Variants in ARHGEF26 observed in about 807,000 individuals in gnomAD.
ARHGEF26 encodes the protein Rho guanine nucleotide exchange factor (GEF) 26.
Under a neutral mutation model 89.4 loss-of-function variants are expected in ARHGEF26, and 59 were observed. The observed-to-expected ratio is 0.66, with a 90% CI of 0.54 to 0.82. The LOEUF is 0.82. Ranked by LOEUF, ARHGEF26 falls within the 40% of genes least tolerant of loss-of-function variation. The probability of loss-of-function intolerance (pLI) is 0.00; values close to 1 mark genes in which losing one functional copy is unlikely to be tolerated. For missense variants in ARHGEF26, 1,234 were observed against 1,085.6 expected, an observed-to-expected ratio of 1.14 and a Z score of -1.92; for synonymous variants, 500 against 428.4, an observed-to-expected ratio of 1.17 and a Z score of -2.06.
chr3:154,250,603 T>A (rs577445974), intron 12 of ARHGEF26, among the ~76,000 whole-genome samples: 2 of 152,222 alleles, frequency 1.3e-5, no homozygotes, highest in Non-Finnish European at 2.9e-5. Context: ...TACTGGCCAC[T>A]CAGTGCCAGA....
At chr3:154,141,791 T>G (rs530354656) in intron 4 of ARHGEF26, among the ~76,000 whole-genome samples, 36 of 152,332 alleles carry the variant, frequency 2.4e-4, no homozygotes, top group Non-Finnish European at 5.0e-4. Context: ...CTATAGTATT[T>G]TTAATTTTTT....
chr3:154,251,085 A>G lies in ARHGEF26; in HGVS notation c.2301-2031A>G, dbSNP rs567518644. 2.3e-3 allele frequency among the ~76,000 whole-genome samples: 344 copies of G among 152,278 alleles called. 2 individuals carry two copies. Among genetic ancestry groups the G allele is most frequent in the African/African-American group, 8.1e-3 (337 of 41,548 alleles). ...AGGCCCAGCCTCATCTTAATCTTTG[A>G]AAATGCCTGTCTTTCAAGATACCAC... On this transcript the variant is annotated intron_variant, in intron 12 of 14. Coordinates refer to ENST00000465093, the MANE Select transcript of ARHGEF26 (RefSeq NM_015595.4).
At chr3:154,243,042 G>A (rs979834110) in intron 12 of ARHGEF26, among the ~76,000 whole-genome samples, 1 of 152,128 alleles carries the variant, frequency 6.6e-6, no homozygotes, top group Non-Finnish European at 1.5e-5. Context: ...CAGGGTCAAG[G>A]GGAGGCATTA....
intron 4 of ARHGEF26, among the ~76,000 whole-genome samples, chr3:154,146,760 G>A (rs1299687511): frequency 6.6e-6 from 1 of 152,082 alleles, no homozygotes; most frequent in Admixed American, 6.5e-5. Flanking sequence ...CTGTAGTATT[G>A]TTCATTTTCT....
intron 6 of ARHGEF26, among the ~76,000 whole-genome samples, chr3:154,161,782 T>C (rs1711677321): frequency 6.6e-6 from 1 of 152,210 alleles, no homozygotes; most frequent in Non-Finnish European, 1.5e-5. Flanking sequence ...AATTGTGACC[T>C]AGATTAGGAC....
intron 11 of ARHGEF26, among the ~76,000 whole-genome samples, chr3:154,237,185 C>T (rs1717170706): frequency 6.6e-6 from 1 of 152,096 alleles, no homozygotes; most frequent in East Asian, 1.9e-4. Flanking sequence ...AATTAATAAA[C>T]ATTTTAAAAA....
chr3:154,187,439 T>C (rs1713648627), intron 6 of ARHGEF26, among the ~76,000 whole-genome samples: 3 of 151,362 alleles, frequency 2.0e-5, no homozygotes, highest in Non-Finnish European at 2.9e-5. Context: ...CAAGTGATCT[T>C]CCTGCCTCAG....
At chr3:154,215,728 G>C (rs1379215396) in intron 9 of ARHGEF26, among the ~76,000 whole-genome samples, 1 of 152,112 alleles carries the variant, frequency 6.6e-6, no homozygotes, top group African/African-American at 2.4e-5. Flanking sequence ...TGGAGAGAGA[G>C]CAGAGAGAAG....
intron 6 of ARHGEF26, among the ~76,000 whole-genome samples, chr3:154,169,290 T>C (rs116460968): frequency 3.5e-4 from 54 of 152,266 alleles, no homozygotes; most frequent in African/African-American, 1.2e-3. Context: ...TTTGCAAATT[T>C]ACCTATTTGC....
chr3:154,219,092 A>G (rs1403884377), intron 10 of ARHGEF26, among the ~76,000 whole-genome samples: 1 of 152,230 alleles, frequency 6.6e-6, no homozygotes, highest in African/African-American at 2.4e-5. Context: ...ATGTTCTTGT[A>G]CAGAATTTTA....
intron 12 of ARHGEF26, among the ~76,000 whole-genome samples, chr3:154,249,073 A>AC (rs1717961653): frequency 6.6e-6 from 1 of 152,242 alleles, no homozygotes; most frequent in African/African-American, 2.4e-5. Flanking sequence ...ACAAAAGGTA[A>AC]CTGGTCAAAT....
At chr3:154,179,331 A>G (rs1245925886) in intron 6 of ARHGEF26, among the ~76,000 whole-genome samples, 1 of 151,874 alleles carries the variant, frequency 6.6e-6, no homozygotes, top group Non-Finnish European at 1.5e-5. Context: ...TGTTCAAACT[A>G]CTCTCTCACC....
chr3:154,188,535 T>A (rs1004816181), intron 7 of ARHGEF26, among the ~76,000 whole-genome samples: 4 of 152,176 alleles, frequency 2.6e-5, no homozygotes, highest in Non-Finnish European at 5.9e-5. Context: ...TATATGTATT[T>A]TAAAGAGTCC....
At chr3:154,164,282 G>A (rs930211788) in intron 6 of ARHGEF26, among the ~76,000 whole-genome samples, 1 of 152,026 alleles carries the variant, frequency 6.6e-6, no homozygotes, top group Non-Finnish European at 1.5e-5. Flanking sequence ...ATGCTAAGAA[G>A]AAGGTGAAGA....
At chr3:154,129,900 CT>C (rs1213092344) in intron 4 of ARHGEF26, among the ~76,000 whole-genome samples, 181 bp downstream of exon 4, 3 of 152,194 alleles carry the variant, frequency 2.0e-5, no homozygotes, top group African/African-American at 7.2e-5. Context: ...AACTTTGACA[CT>C]TCTGATCAGG....
At position 154,225,973 on chromosome 3, in the gene ARHGEF26, C is replaced by T. The variant is rs1716460792; in HGVS notation, c.2053C>T (p.Leu685Phe). 1 of 1,612,810 alleles carries T rather than the reference C, an allele frequency of 6.2e-7. No individual in the cohort carries two copies. Among genetic ancestry groups the T allele is most frequent in the African/African-American group, 1.3e-5 (1 of 74,834 alleles). ...ATCCAAACAGCAAGTCTACTTCTTTCTCTTTAACGATGTGCTCATTATCAC... is the reference window on the plus strand; with the variant it reads ...ATCCAAACAGCAAGTCTACTTCTTTTTCTTTAACGATGTGCTCATTATCAC... ...RTSKQQVYFFLFNDVLIITKK... is the reference protein window; with the variant it reads ...RTSKQQVYFFFFNDVLIITKK... The change falls in exon 11 of 15, where the codon CTC becomes TTC. Residue 685 changes from leucine (L) to phenylalanine (F), a missense_variant. Physicochemically the swap from Leu to Phe is conservative, Grantham distance 22. Transcript: ENST00000465093.
chr3:154,218,706 T>G (rs1192664911), intron 10 of ARHGEF26, among the ~76,000 whole-genome samples: 1 of 152,258 alleles, frequency 6.6e-6, no homozygotes, highest in African/African-American at 2.4e-5. Context: ...TGATCAGCAT[T>G]TCATGGTATT....
chr3:154,228,740 CG>C (rs201955859), intron 11 of ARHGEF26, among the ~76,000 whole-genome samples: 6 of 24,628 alleles, frequency 2.4e-4, no homozygotes, highest in Admixed American at 1.7e-3. Context: ...TTCAAGGAGG[CG>C]AACTGCAAAT....
intron 3 of ARHGEF26, among the ~76,000 whole-genome samples, chr3:154,128,075 T>C (rs1718446924): frequency 6.6e-6 from 1 of 152,192 alleles, no homozygotes; most frequent in African/African-American, 2.4e-5. Context: ...ACTGACAGTC[T>C]GTTCTCACCT....
Sources: allele counts gnomAD v4.1 joint callset (sites outside exome capture counted in the v4.1 genomes callset), GRCh38; gene constraint gnomAD v4.1.1; transcripts MANE v1.5; gene names NCBI Gene and HGNC (gene_info 2026-07-23, HGNC 2026-07-21).